Variants in PTPRT observed in about 807,000 individuals in gnomAD.
PTPRT encodes the protein protein tyrosine phosphatase receptor type T.
A neutral mutation model predicts 176.8 loss-of-function variants in PTPRT; 56 were observed. That is an observed-to-expected ratio of 0.32 (90% CI 0.26 to 0.40). The LOEUF (loss-of-function observed/expected upper bound fraction) is 0.40. Ranked by LOEUF, PTPRT falls within the 10% of genes least tolerant of loss-of-function variation. The pLI, the probability that PTPRT is intolerant of heterozygous loss-of-function variation, is 1.00. For missense variants in PTPRT, 1,540 were observed against 1,908.2 expected, an observed-to-expected ratio of 0.81 and a Z score of 3.60; for synonymous variants, 783 against 739.0, an observed-to-expected ratio of 1.06 and a Z score of -0.96.
chr20:42,990,878 T>C (rs1600628302), intron 1 of PTPRT, among the ~76,000 whole-genome samples: 1 of 152,330 alleles, frequency 6.6e-6, no homozygotes, highest in South Asian at 2.1e-4. Context: ...GCAGATATTG[T>C]TTCATAACTG....
intron 6 of PTPRT, among the ~76,000 whole-genome samples, chr20:42,711,161 C>A (rs2076138970): frequency 6.6e-6 from 1 of 152,202 alleles, no homozygotes; most frequent in African/African-American, 2.4e-5. Context: ...AGACTATGAA[C>A]TTTTGACTTC....
Position 42,844,201 on chromosome 20 carries a change from C to T in PTPRT, c.214+41606G>A, listed in dbSNP as rs192049706. Reference sequence around the variant, plus strand: ...TAAAATACATATGAAGTAGCATTGGCGGTCATTGCAGTCACAGTAATAATA... The same window carrying T: ...TAAAATACATATGAAGTAGCATTGGTGGTCATTGCAGTCACAGTAATAATA... On this transcript the variant is annotated intron_variant, in intron 2 of 30. Coordinates refer to ENST00000373187, the MANE Select transcript of PTPRT (RefSeq NM_007050.6). Among the ~76,000 whole-genome samples the T allele has an allele frequency of 7.3e-3, 1,119 of 152,280 alleles. 10 individuals are homozygous for T. Among genetic ancestry groups the T allele is most frequent in the Admixed American group, 7.6e-3 (117 of 15,300 alleles).
chr20:43,152,519 A>G (rs143215619), intron 1 of PTPRT, among the ~76,000 whole-genome samples: 119 of 152,250 alleles, frequency 7.8e-4, no homozygotes, highest in African/African-American at 2.6e-3. Flanking sequence ...GGTCTCCCCA[A>G]TGCCTTGCCA....
At chr20:42,689,013 G>A (rs1000712147) in intron 6 of PTPRT, among the ~76,000 whole-genome samples, 1 of 152,196 alleles carries the variant, frequency 6.6e-6, no homozygotes, top group Non-Finnish European at 1.5e-5. Flanking sequence ...TCACACAGTT[G>A]TGTGGTATTG....
intron 1 of PTPRT, among the ~76,000 whole-genome samples, chr20:43,051,373 A>G (rs1435308579): frequency 6.6e-6 from 1 of 151,940 alleles, no homozygotes; most frequent in Non-Finnish European, 1.5e-5. Context: ...CATTTCAATC[A>G]ATGCTCTTTC....
At chr20:42,107,435 A>T (rs1986569075) in intron 23 of PTPRT, among the ~76,000 whole-genome samples, 1 of 152,180 alleles carries the variant, frequency 6.6e-6, no homozygotes, top group Non-Finnish European at 1.5e-5. Context: ...AGTGTCATGA[A>T]ACTGGAGCAG....
intron 1 of PTPRT, 91 bp from the exon 2 acceptor site, chr20:42,886,023 G>T: frequency 9.4e-7 from 1 of 1,067,392 alleles, no homozygotes. Flanking sequence ...TTACAGCTTT[G>T]AATTTTAAAC....
chr20:43,073,095 A>G (rs1600693029), intron 1 of PTPRT, among the ~76,000 whole-genome samples: 2 of 152,194 alleles, frequency 1.3e-5, no homozygotes, highest in East Asian at 3.8e-4. Context: ...GTCAAAGAGG[A>G]CTTGCTTACA....
intron 12 of PTPRT, among the ~76,000 whole-genome samples, chr20:42,312,561 C>T (rs1426129112): frequency 6.6e-6 from 1 of 152,074 alleles, no homozygotes; most frequent in African/African-American, 2.4e-5. Context: ...TTCTGAGTGC[C>T]CAGCTCCCAT....
intron 1 of PTPRT, among the ~76,000 whole-genome samples, chr20:42,960,690 A>G (rs1433077329): frequency 6.6e-6 from 1 of 152,146 alleles, no homozygotes; most frequent in Non-Finnish European, 1.5e-5. Context: ...GTACACACAC[A>G]TATACACACA....
At chr20:42,398,974 T>C (rs1410667197) in intron 9 of PTPRT, among the ~76,000 whole-genome samples, 1 of 152,304 alleles carries the variant, frequency 6.6e-6, no homozygotes, top group South Asian at 2.1e-4. Context: ...ACACTGATTC[T>C]CTTCATTTAA....
intron 7 of PTPRT, among the ~76,000 whole-genome samples, chr20:42,587,579 C>G (rs548621410): frequency 6.6e-6 from 1 of 152,210 alleles, no homozygotes; most frequent in South Asian, 2.1e-4. Context: ...CTCAGACTCA[C>G]GCTGAGTCAT....
chr20:42,854,655 C>T (rs2078531063), intron 2 of PTPRT, among the ~76,000 whole-genome samples: 1 of 152,214 alleles, frequency 6.6e-6, no homozygotes, highest in Admixed American at 6.5e-5. Flanking sequence ...AGTACAGTAG[C>T]TAAAGCAATC....
chr20:42,448,483 C>T (rs1303897358), intron 8 of PTPRT, among the ~76,000 whole-genome samples, 154 bp from the exon 9 acceptor site: 1 of 152,182 alleles, frequency 6.6e-6, no homozygotes. Context: ...TACAACTACT[C>T]AACTCTGTCA....
intron 1 of PTPRT, among the ~76,000 whole-genome samples, chr20:43,163,595 G>T (rs934280448): frequency 6.6e-6 from 1 of 151,702 alleles, no homozygotes; most frequent in South Asian, 2.1e-4. Context: ...CCGAGATCAT[G>T]CCACTGCACT....
chr20:42,704,009 G>A (rs552347174), intron 6 of PTPRT, among the ~76,000 whole-genome samples: 1 of 152,160 alleles, frequency 6.6e-6, no homozygotes, highest in South Asian at 2.1e-4. Context: ...TAGCCACAGT[G>A]AAGTGATAAG....
intron 27 of PTPRT, among the ~76,000 whole-genome samples, chr20:42,094,315 C>T (rs959793234): frequency 2.0e-5 from 3 of 151,890 alleles, no homozygotes; most frequent in Admixed American, 6.6e-5. Flanking sequence ...CAAAACTCTG[C>T]AGGGAATGTT....
chr20:42,926,264 C>T (rs1979479729), intron 1 of PTPRT, among the ~76,000 whole-genome samples: 1 of 152,224 alleles, frequency 6.6e-6, no homozygotes, highest in African/African-American at 2.4e-5. Context: ...TCCCTGCATC[C>T]ACCCCTCTCT....
At chr20:42,705,451 C>T (rs1425929245) in intron 6 of PTPRT, among the ~76,000 whole-genome samples, 1 of 150,864 alleles carries the variant, frequency 6.6e-6, no homozygotes, top group Non-Finnish European at 1.5e-5. Context: ...GGTGTATTGT[C>T]ACTAGGGTGG....
Sources: gnomAD v4.1 joint callset for allele counts (sites outside exome capture counted in the v4.1 genomes callset) on GRCh38, gnomAD v4.1.1 for gene constraint, MANE v1.5 for transcripts, NCBI Gene and HGNC (gene_info 2026-07-23, HGNC 2026-07-21) for gene names.